Variants in EYS observed in about 807,000 individuals in gnomAD.
EYS encodes protein eyes shut homolog.
In EYS, 250 loss-of-function variants were observed where a neutral mutation model predicts 282.1. The observed-to-expected ratio is 0.89, with a 90% CI of 0.80 to 0.98. The LOEUF (loss-of-function observed/expected upper bound fraction) is 0.98, where lower values mean the gene tolerates loss of function less well. EYS is among the 50% of genes least tolerant of loss of function. The pLI is 0.00. For synonymous variants in EYS, 1,355 were observed against 1,282.9 expected (o/e 1.06, Z -1.20); for missense variants, 4,016 against 3,709.0 (o/e 1.08, Z -2.15).
chr6:64,826,731 T>C (rs1462511734), intron 19 of EYS, among the ~76,000 whole-genome samples: 2 of 150,220 alleles, frequency 1.3e-5, no homozygotes, highest in Admixed American at 6.7e-5. Flanking sequence ...TTTTTCAGAC[T>C]GTGTTTTTTT....
At position 65,693,988 on chromosome 6, in the gene EYS, A is replaced by C. The variant is rs1562332677; in HGVS notation, c.-448+13147T>G. 1.3e-5 allele frequency among the ~76,000 whole-genome samples: 2 copies of C among 150,278 alleles called. 1 individual carries two copies. Among genetic ancestry groups the C allele is most frequent in the East Asian group, 4.5e-4 (2 of 4,440 alleles). On this transcript the variant is annotated intron_variant, in intron 1 of 42. Coordinates refer to ENST00000503581, the MANE Select transcript of EYS (RefSeq NM_001142800.2). ...GCTATAGTCACCTGATGAATACAGAACCCCCACAAGGAGGATGAAGAAAGT... is the reference window on the plus strand; with the variant it reads ...GCTATAGTCACCTGATGAATACAGACCCCCCACAAGGAGGATGAAGAAAGT...
chr6:64,790,749 C>A (rs2150000053), intron 22 of EYS, among the ~76,000 whole-genome samples: 1 of 151,866 alleles, frequency 6.6e-6, no homozygotes, highest in East Asian at 1.9e-4. Context: ...GTTTAACTTA[C>A]AAAAGTGTTA....
At chr6:64,158,353 T>C (rs1057122109) in intron 31 of EYS, among the ~76,000 whole-genome samples, 24 of 151,622 alleles carry the variant, frequency 1.6e-4, no homozygotes, top group African/African-American at 5.9e-4. Flanking sequence ...GTTTTTTTCA[T>C]GTAAAAGTGA....
At chr6:64,120,143 C>T (rs924905959) in intron 31 of EYS, among the ~76,000 whole-genome samples, 2 of 150,758 alleles carry the variant, frequency 1.3e-5, no homozygotes, top group African/African-American at 2.4e-5. Context: ...GTCAGGAGAT[C>T]GAGACCATCC....
At chr6:65,231,286 CTGTG>C (rs1408916544) in intron 12 of EYS, among the ~76,000 whole-genome samples, 3 of 149,278 alleles carry the variant, frequency 2.0e-5, no homozygotes, top group African/African-American at 4.9e-5. Context: ...GCTTATTTCT[CTGTG>C]TATTAGATCA....
At chr6:64,618,022 A>G (rs935764118) in intron 23 of EYS, among the ~76,000 whole-genome samples, 12 of 152,156 alleles carry the variant, frequency 7.9e-5, no homozygotes, top group African/African-American at 2.9e-4. Context: ...TTTTACATTT[A>G]GTATTTGTTA....
At chr6:65,391,221 G>T (rs1289970655) in intron 7 of EYS, among the ~76,000 whole-genome samples, 1 of 152,044 alleles carries the variant, frequency 6.6e-6, no homozygotes, top group Admixed American at 6.6e-5. Flanking sequence ...GATACCTCCT[G>T]TCCCCTATAA....
At chr6:64,348,350 T>C (rs1186411462) in intron 29 of EYS, among the ~76,000 whole-genome samples, 1 of 151,522 alleles carries the variant, frequency 6.6e-6, no homozygotes, top group Non-Finnish European at 1.5e-5. Context: ...AGCAAAGAGA[T>C]AATGTTGGAT....
chr6:64,364,381 T>C (rs1772122977), intron 29 of EYS, among the ~76,000 whole-genome samples: 1 of 151,944 alleles, frequency 6.6e-6, no homozygotes. Flanking sequence ...TATGTGTTTC[T>C]AATTATTTAA....
intron 13 of EYS, among the ~76,000 whole-genome samples, chr6:65,000,733 G>C (rs908944188): frequency 6.6e-6 from 1 of 152,152 alleles, no homozygotes. Context: ...AGCCTAGATC[G>C]TGCCACTGCA....
chr6:63,939,984 G>A (rs1765184548), intron 35 of EYS, among the ~76,000 whole-genome samples: 1 of 152,194 alleles, frequency 6.6e-6, no homozygotes, highest in South Asian at 2.1e-4. Flanking sequence ...GGCTATTGAG[G>A]TGAGCTCAAG....
At chr6:64,121,072 C>G (rs1293815492) in intron 31 of EYS, among the ~76,000 whole-genome samples, 1 of 152,110 alleles carries the variant, frequency 6.6e-6, no homozygotes, top group Non-Finnish European at 1.5e-5. Flanking sequence ...CCATGTGCCC[C>G]CCTCCCCCAT....
chr6:64,065,443 G>C (rs927144866), intron 33 of EYS, among the ~76,000 whole-genome samples: 1 of 152,092 alleles, frequency 6.6e-6, no homozygotes, highest in Non-Finnish European at 1.5e-5. Flanking sequence ...TGTAAATTTT[G>C]TTTAGTAATG....
chr6:64,657,803 C>A (rs1768809826), intron 22 of EYS, among the ~76,000 whole-genome samples: 1 of 152,134 alleles, frequency 6.6e-6, no homozygotes, highest in African/African-American at 2.4e-5. Context: ...TCCTTCATTT[C>A]AACTTTGGTG....
At chr6:65,207,129 A>G (rs1458285834) in intron 12 of EYS, among the ~76,000 whole-genome samples, 1 of 151,676 alleles carries the variant, frequency 6.6e-6, no homozygotes, top group Admixed American at 6.6e-5. Flanking sequence ...GAACCCCCTA[A>G]TAACTCCAAA....
At chr6:64,223,547 G>A (rs2150334459) in intron 31 of EYS, among the ~76,000 whole-genome samples, 1 of 152,062 alleles carries the variant, frequency 6.6e-6, no homozygotes, top group East Asian at 1.9e-4. Context: ...TACATTTTCT[G>A]TATGGACCTT....
At chr6:64,968,534 A>G (rs1234608985) in intron 14 of EYS, among the ~76,000 whole-genome samples, 1 of 152,110 alleles carries the variant, frequency 6.6e-6, no homozygotes, top group East Asian at 1.9e-4. Flanking sequence ...CTCCTTTTGA[A>G]TTGTTACCTG....
At chr6:63,832,496 C>G (rs1009985873) in intron 36 of EYS, among the ~76,000 whole-genome samples, 9 of 152,114 alleles carry the variant, frequency 5.9e-5, no homozygotes, top group Non-Finnish European at 1.2e-4. Context: ...GACACATATA[C>G]CCTCCCAACA....
chr6:64,320,245 A>C (rs1770162920), intron 29 of EYS, among the ~76,000 whole-genome samples: 1 of 151,836 alleles, frequency 6.6e-6, no homozygotes, highest in South Asian at 2.1e-4. Context: ...AATCTGGACA[A>C]TTTTGTTATT....
Sources: allele counts gnomAD v4.1 joint callset (sites outside exome capture counted in the v4.1 genomes callset), GRCh38; gene constraint gnomAD v4.1.1; transcripts MANE v1.5; gene names NCBI Gene and HGNC (gene_info 2026-07-23, HGNC 2026-07-21).